The following NLRP5 variants were observed in gnomAD, a reference collection of about 807,000 sequenced individuals.
NLRP5 encodes the protein NLR family pyrin domain containing 5.
In NLRP5, 93 loss-of-function variants were observed where a neutral mutation model predicts 113.1. That is an observed-to-expected ratio of 0.82 (90% CI 0.70 to 0.98). NLRP5 has a LOEUF of 0.98. Among genes scored for constraint, NLRP5 ranks in the 50% least tolerant of loss-of-function variants. NLRP5 has a pLI of 0.00. For synonymous variants in NLRP5, 751 were observed against 600.7 expected (o/e 1.25, Z -3.66); for missense variants, 1,808 against 1,514.3 (o/e 1.19, Z -3.22).
intron 9 of NLRP5, among the ~76,000 whole-genome samples, chr19:56,034,261 C>G (rs1427749332): frequency 1.3e-5 from 2 of 152,202 alleles, no homozygotes; most frequent in African/African-American, 4.8e-5. Context: ...TGGCAGCCAC[C>G]TGTAATCCCA....
the NLRP5 span, among the ~76,000 whole-genome samples, chr19:55,994,664 G>A: frequency 1.3e-5 from 2 of 152,328 alleles, no homozygotes; most frequent in African/African-American, 4.8e-5. Context: ...CCAAAGTGCT[G>A]GAGTTACAGG....
chr19:56,044,980 G>A lies in NLRP5; in HGVS notation c.2957+3888G>A, dbSNP rs529754232. On this transcript the variant is annotated intron_variant, in intron 11 of 14. Coordinates refer to ENST00000390649, the MANE Select transcript of NLRP5 (RefSeq NM_153447.4). ...TGTTGTGTTGTGTTTTGCAGCTGTT[G>A]TAAAAGGGGTTGAGTTCTTGATTTG... 2.0e-5 allele frequency among the ~76,000 whole-genome samples: 3 copies of A among 152,294 alleles called. No individual in the cohort carries two copies. The East Asian group carries it at 5.8e-4, about 29-fold the overall frequency.
chr19:56,017,516 C>T (rs950666684), intron 4 of NLRP5, among the ~76,000 whole-genome samples: 1 of 152,008 alleles, frequency 6.6e-6, no homozygotes, highest in Non-Finnish European at 1.5e-5. Flanking sequence ...CTTTTGTTTC[C>T]CCTTTGACCT....
intron 1 of NLRP5, chr19:55,999,812 A>G (rs765356195): frequency 1.4e-5 from 22 of 1,589,242 alleles, no homozygotes; most frequent in South Asian, 2.2e-5. Context: ...AGAGTTACCT[A>G]TGAGGAAACC....
rs146599279 is a variant in NLRP5, at chr19:56,021,691, G to T, written c.679+1260G>T. Among the ~76,000 whole-genome samples, 1,080 of 152,296 alleles carry T rather than the reference G, an allele frequency of 7.1e-3. 18 individuals are homozygous for T. The highest frequency in any genetic ancestry group is 0.023 in the African/African-American group (970 of 41,576). On this transcript the variant is annotated intron_variant, in intron 6 of 14. Coordinates refer to ENST00000390649, the MANE Select transcript of NLRP5 (RefSeq NM_153447.4). Reference sequence around the variant, plus strand: ...TGAATAATATTCCATTGTATGGAAAGACCCCATTTTCTTCATCTGTTGTTC... The same window carrying T: ...TGAATAATATTCCATTGTATGGAAATACCCCATTTTCTTCATCTGTTGTTC...
chr19:56,024,395 C>T (rs1485859841), intron 6 of NLRP5, among the ~76,000 whole-genome samples: 7 of 114,346 alleles, frequency 6.1e-5, no homozygotes, highest in East Asian at 4.5e-4. Flanking sequence ...AACATATATA[C>T]ATATATGTAC....
intron 11 of NLRP5, 41 bp downstream of exon 11, chr19:56,041,133 C>G: frequency 6.3e-7 from 1 of 1,596,890 alleles, no homozygotes; most frequent in Non-Finnish European, 8.6e-7. Flanking sequence ...TCCTAGCTTT[C>G]TAACATAGCA....
In NLRP5 at chr19:56,061,449, A is replaced by C; in HGVS notation, c.3524A>C (p.Gln1175Pro). 6.2e-7 allele frequency: 1 copy of C among 1,614,008 alleles called. No individual in the cohort carries two copies. The highest frequency in any genetic ancestry group is 1.1e-5 in the South Asian group (1 of 91,088). The change falls in exon 15 of 15, where the codon CAG becomes CCG. Residue 1175 changes from glutamine to proline, a missense_variant. Coordinates refer to ENST00000390649, the MANE Select transcript of NLRP5 (RefSeq NM_153447.4). ...ATAAGGAAGCTGCTGGAGGAAGTGC[A>C]GCTACTCAAGCCCCGAGTCGTAATT...
rs57588214 is a variant in NLRP5, at chr19:56,007,904, CGTGTGTGTGTGT to C, written c.443-865_443-854del. Among the ~76,000 whole-genome samples, 378 of 110,138 alleles carry C rather than the reference CGTGTGTGTGTGT, an allele frequency of 3.4e-3. 25 individuals are homozygous for C. The highest frequency in any genetic ancestry group is 8.6e-3 in the East Asian group (30 of 3,498). 72.3% of individuals were successfully genotyped at this position (110,138 alleles called of 152,430 possible). A position where few individuals can be genotyped will look rare whatever the true frequency, so the allele number is the denominator to read the frequency against. ...GTGTGTGTGTGCGCGTGCGCGCGTG[CGTGTGTGTGTGT>C]GTGTGTGTGTGTGTGTGTTTGAAAC... On this transcript the variant is annotated intron_variant, in intron 2 of 14. Coordinates refer to ENST00000390649, the MANE Select transcript of NLRP5 (RefSeq NM_153447.4).
At chr19:56,034,497 C>G (rs781752625) in intron 9 of NLRP5, among the ~76,000 whole-genome samples, 2 of 152,192 alleles carry the variant, frequency 1.3e-5, no homozygotes, top group Non-Finnish European at 2.9e-5. Flanking sequence ...GTACATTATT[C>G]TATAGCAGTT....
chr19:56,053,846 G>T, intron 13 of NLRP5, 38 bp downstream of exon 13: 1 of 1,598,614 alleles, frequency 6.3e-7, no homozygotes, highest in Non-Finnish European at 8.6e-7. Context: ...GCCGGGCTGG[G>T]AGGAGGTGGG....
intron 9 of NLRP5, among the ~76,000 whole-genome samples, chr19:56,037,370 G>A (rs1378879486): frequency 6.6e-6 from 1 of 152,048 alleles, no homozygotes; most frequent in Non-Finnish European, 1.5e-5. Context: ...AGGAAGACAG[G>A]CAGGAAACAA....
At position 56,053,272 on chromosome 19, in the gene NLRP5, G is replaced by A. The variant is rs1007265442; in HGVS notation, c.3129-366G>A. On this transcript the variant is annotated intron_variant, in intron 12 of 14. Coordinates refer to ENST00000390649, the MANE Select transcript of NLRP5 (RefSeq NM_153447.4). Reference sequence around the variant, plus strand: ...TAGCTGGGCACAGTGGCACGTGCCTGTAATCCCAGCTATTCGGGAGGCTGA... The same window carrying A: ...TAGCTGGGCACAGTGGCACGTGCCTATAATCCCAGCTATTCGGGAGGCTGA... Among the ~76,000 whole-genome samples the A allele has an allele frequency of 3.3e-5, 5 of 151,668 alleles. No homozygotes were observed. In the South Asian group the frequency reaches 6.3e-4, roughly 19 times the overall value.
intron 6 of NLRP5, among the ~76,000 whole-genome samples, chr19:56,022,314 G>A (rs1431697790): frequency 6.6e-6 from 1 of 152,024 alleles, no homozygotes; most frequent in Non-Finnish European, 1.5e-5. Context: ...CTAACTCCTG[G>A]GCTGAAGCAA....
chr19:56,052,483 T>A (rs1983968663), intron 12 of NLRP5, among the ~76,000 whole-genome samples: 1 of 152,138 alleles, frequency 6.6e-6, no homozygotes, highest in Non-Finnish European at 1.5e-5. Flanking sequence ...TTGGTCAGGC[T>A]GGTCTCAAAC....
intron 4 of NLRP5, among the ~76,000 whole-genome samples, chr19:56,018,101 T>A (rs1982477291): frequency 2.6e-5 from 4 of 152,250 alleles, no homozygotes; most frequent in Admixed American, 2.6e-4. Flanking sequence ...AGGCATTTCA[T>A]TTGCGTCCCA....
At chr19:55,996,828 T>G (rs1981341082), upstream of NLRP5, among the ~76,000 whole-genome samples, 1 of 152,226 alleles carries the variant, frequency 6.6e-6, no homozygotes, top group Non-Finnish European at 1.5e-5. Context: ...CAACATGATT[T>G]ATAATCCTTT....
chr19:56,046,212 G>A (rs115058356), intron 11 of NLRP5, among the ~76,000 whole-genome samples: 2,756 of 152,192 alleles, frequency 0.018, 76 homozygotes, highest in African/African-American at 0.062. Flanking sequence ...TTGAAATCAC[G>A]TGATTTTTAT....
In NLRP5 at chr19:56,037,923, G is replaced by A. The variant is rs527251962; in HGVS notation, c.2616-102G>A. 30 of 1,216,728 alleles carry A rather than the reference G, an allele frequency of 2.5e-5. No homozygotes were observed. The African/African-American group carries it at 3.5e-4, about 14-fold the overall frequency. The allele number at this position is 1,216,728 out of a possible 1,614,324, so 75.4% of individuals were successfully genotyped here. On this transcript the variant is annotated intron_variant, in intron 9 of 14. Transcript: ENST00000390649. The stretch of plus-strand genomic sequence containing the variant: ...GGAGGCAGGAGCAGACAGAGTTCGA[G>A]GACCAGGAAAACGGCCAGCGCTGCT...
Sources: gnomAD v4.1 joint callset for allele counts (sites outside exome capture counted in the v4.1 genomes callset) on GRCh38, gnomAD v4.1.1 for gene constraint, MANE v1.5 for transcripts, NCBI Gene and HGNC (gene_info 2026-07-23, HGNC 2026-07-21) for gene names.